SPOCK1: variants seen among roughly 807,000 people sequenced by gnomAD.
The protein encoded by SPOCK1 is testican-1.
Under a neutral mutation model 55.3 loss-of-function variants are expected in SPOCK1, and 23 were observed. That is an observed-to-expected ratio of 0.42 (90% CI 0.30 to 0.59). The LOEUF (loss-of-function observed/expected upper bound fraction) is 0.59, where lower values mean the gene tolerates loss of function less well. Ranked by LOEUF, SPOCK1 falls within the 20% of genes least tolerant of loss-of-function variation. The probability of loss-of-function intolerance (pLI) is 0.22; values close to 1 mark genes in which losing one functional copy is unlikely to be tolerated. For synonymous variants in SPOCK1, 226 were observed against 221.0 expected (o/e 1.02, Z -0.20); for missense variants, 499 against 552.5 (o/e 0.90, Z 0.97).
intron 2 of SPOCK1, among the ~76,000 whole-genome samples, chr5:137,417,196 T>G (rs950626281): frequency 6.6e-6 from 1 of 151,916 alleles, no homozygotes; most frequent in African/African-American, 2.4e-5. Context: ...TGAAGTTCAG[T>G]TTTTTTTCTC....
chr5:137,270,306 C>A (rs1756937638), intron 2 of SPOCK1, among the ~76,000 whole-genome samples: 1 of 152,028 alleles, frequency 6.6e-6, no homozygotes, highest in Admixed American at 6.5e-5. Context: ...TGCAAGGAGC[C>A]CAGCAACAGT....
chr5:136,987,884 CTT>C (rs1750873867), intron 8 of SPOCK1, among the ~76,000 whole-genome samples: 1 of 152,332 alleles, frequency 6.6e-6, no homozygotes. Flanking sequence ...ACCTGTCTGA[CTT>C]TGGGTTATAT....
At chr5:136,979,294 C>G in intron 10 of SPOCK1, 38 bp downstream of exon 10, 1 of 1,612,656 alleles carries the variant, frequency 6.2e-7, no homozygotes, top group Non-Finnish European at 8.5e-7. Flanking sequence ...ACAGGCCACC[C>G]AGGTCATTGT....
intron 3 of SPOCK1, among the ~76,000 whole-genome samples, chr5:137,224,125 C>T (rs1022072520): frequency 2.6e-5 from 4 of 152,204 alleles, no homozygotes; most frequent in African/African-American, 9.6e-5. Context: ...CATAGCTCAG[C>T]ACTGTTTGTT....
intron 2 of SPOCK1, among the ~76,000 whole-genome samples, chr5:137,429,271 A>G (rs1752695939): frequency 6.6e-6 from 1 of 152,230 alleles, no homozygotes; most frequent in Non-Finnish European, 1.5e-5. Context: ...CCCGCAAAAC[A>G]TAATCCCACA....
chr5:137,103,451 C>T (rs1302051535), intron 5 of SPOCK1, among the ~76,000 whole-genome samples: 1 of 152,146 alleles, frequency 6.6e-6, no homozygotes, highest in East Asian at 1.9e-4. Context: ...GCAATTGTGC[C>T]CCCTTTCTTT....
chr5:137,062,099 C>T (rs1479008329), intron 6 of SPOCK1, among the ~76,000 whole-genome samples: 1 of 152,086 alleles, frequency 6.6e-6, no homozygotes, highest in African/African-American at 2.4e-5. Context: ...AAACTCTTCC[C>T]ACAGGTGTAA....
chr5:137,269,304 C>T (rs1206547827), intron 2 of SPOCK1, among the ~76,000 whole-genome samples: 1 of 152,192 alleles, frequency 6.6e-6, no homozygotes, highest in Non-Finnish European at 1.5e-5. Context: ...AAAAATGATT[C>T]TCTGCATCTG....
chr5:137,381,811 G>A (rs1392000361), intron 2 of SPOCK1, among the ~76,000 whole-genome samples: 2 of 152,192 alleles, frequency 1.3e-5, no homozygotes, highest in Non-Finnish European at 2.9e-5. Context: ...ATGCCTTTGA[G>A]GCATTTTCTG....
chr5:137,321,866 T>A (rs1419792354), intron 2 of SPOCK1, among the ~76,000 whole-genome samples: 2 of 150,642 alleles, frequency 1.3e-5, no homozygotes, highest in African/African-American at 4.9e-5. Context: ...TGAGACTCTG[T>A]CAAAAAGAAA....
At chr5:137,390,953 A>G (rs1252882548) in intron 2 of SPOCK1, among the ~76,000 whole-genome samples, 6 of 152,210 alleles carry the variant, frequency 3.9e-5, no homozygotes, top group Non-Finnish European at 5.9e-5. Flanking sequence ...GGTTTGTTAC[A>G]TAGGTATACA....
At position 136,988,553 on chromosome 5, in the gene SPOCK1, G is replaced by T. The variant is rs1314152791; in HGVS notation, c.797C>A (p.Pro266His). The T allele has an allele frequency of 1.2e-6, 2 of 1,614,026 alleles. No homozygotes were observed. Among genetic ancestry groups the T allele is most frequent in the Non-Finnish European group, 8.5e-7 (1 of 1,180,006 alleles). Reference protein sequence around the residue: ...LDMNYDLLLDPSEINAIYLDK... With the variant: ...LDMNYDLLLDHSEINAIYLDK... Reference sequence around the variant, plus strand: ...CAGGTAGATGGCATTGATCTCTGAAGGGTCAAGCAGGAGGTCATAGTTCAT... The same window carrying T: ...CAGGTAGATGGCATTGATCTCTGAATGGTCAAGCAGGAGGTCATAGTTCAT... Residue 266 changes from proline (P) to histidine (H), a missense_variant, in exon 8 of 11, where the codon CCT becomes CAT. Around this residue, in one of 3 missense-constraint regions of SPOCK1, gnomAD observed 386 missense variants for 400.6 expected, o/e 0.96. Transcript: ENST00000394945.
In SPOCK1 at chr5:137,191,375, C is replaced by CTAAGCAAACCACAGGATT. The variant is rs1236738157; in HGVS notation, c.233-50682_233-50681insAATCCTGTGGTTTGCTTA. Reference sequence around the variant, plus strand: ...ATCTTTGCTAAGCAAACCACAGGATCTCATACCACTGGTTTCCAGAGAAGG... The same window carrying CTAAGCAAACCACAGGATT: ...ATCTTTGCTAAGCAAACCACAGGATCTAAGCAAACCACAGGATTTCATACCACTGGTTTCCAGAGAAGG... On this transcript the variant is annotated intron_variant, in intron 3 of 10. Coordinates refer to ENST00000394945, the MANE Select transcript of SPOCK1 (RefSeq NM_004598.4). Among the ~76,000 whole-genome samples the CTAAGCAAACCACAGGATT allele has an allele frequency of 2.8e-3, 431 of 152,286 alleles. 2 individuals carry two copies. Among genetic ancestry groups the CTAAGCAAACCACAGGATT allele is most frequent in the African/African-American group, 9.4e-3 (392 of 41,556 alleles).
At chr5:137,286,844 A>C (rs1757276827) in intron 2 of SPOCK1, among the ~76,000 whole-genome samples, 1 of 152,314 alleles carries the variant, frequency 6.6e-6, no homozygotes, top group East Asian at 1.9e-4. Flanking sequence ...GAATTAACCT[A>C]CATCATTATC....
intron 3 of SPOCK1, among the ~76,000 whole-genome samples, chr5:137,254,403 C>CA (rs1421164163): frequency 6.6e-6 from 1 of 151,294 alleles, no homozygotes; most frequent in African/African-American, 2.4e-5. Flanking sequence ...TTTCCACTGT[C>CA]AAAAAAAAAT....
At chr5:137,304,592 C>G (rs931246244) in intron 2 of SPOCK1, among the ~76,000 whole-genome samples, 2 of 152,130 alleles carry the variant, frequency 1.3e-5, no homozygotes, top group African/African-American at 4.8e-5. Context: ...CTGGTGAGGT[C>G]TGCAACATGG....
intron 3 of SPOCK1, among the ~76,000 whole-genome samples, chr5:137,183,762 G>A (rs553389491): frequency 5.9e-5 from 9 of 152,200 alleles, no homozygotes; most frequent in African/African-American, 1.2e-4. Context: ...CTGTGTAGAC[G>A]TTGGCAAGTT....
chr5:137,169,254 A>G (rs138029617), intron 3 of SPOCK1, among the ~76,000 whole-genome samples: 1 of 152,298 alleles, frequency 6.6e-6, no homozygotes, highest in East Asian at 1.9e-4. Context: ...GAAAGAATGA[A>G]TAAGACCTAA....
chr5:137,211,130 TTCTTTGAAGATGA>T (rs1328683202), intron 3 of SPOCK1, among the ~76,000 whole-genome samples: 2 of 152,326 alleles, frequency 1.3e-5, no homozygotes, highest in East Asian at 3.9e-4. Flanking sequence ...CTAATGCTAT[TTCTTTGAAGATGA>T]AGAAACAGAG....
Sources: gnomAD v4.1 joint callset for allele counts (sites outside exome capture counted in the v4.1 genomes callset) on GRCh38, gnomAD v4.1.1 for gene constraint, gnomAD v4.1.1 regional missense constraint, MANE v1.5 for transcripts, NCBI Gene and HGNC (gene_info 2026-07-23, HGNC 2026-07-21) for gene names.